Variants in BTRC observed in about 807,000 individuals in gnomAD.
BTRC encodes the protein F-box/WD repeat-containing protein 1A.
BTRC carries 42 observed loss-of-function variants against 85.5 expected under a neutral mutation model. The observed-to-expected ratio is 0.49, with a 90% confidence interval of 0.38 to 0.64. The LOEUF (loss-of-function observed/expected upper bound fraction) is 0.64, where lower values mean the gene tolerates loss of function less well. Among genes scored for constraint, BTRC ranks in the 30% least tolerant of loss-of-function variants. The pLI, the probability that BTRC is intolerant of heterozygous loss-of-function variation, is 0.00. For synonymous variants in BTRC, 255 were observed against 263.3 expected (o/e 0.97, Z 0.30); for missense variants, 594 against 743.5 (o/e 0.80, Z 2.34).
intron 2 of BTRC, among the ~76,000 whole-genome samples, chr10:101,461,635 A>G (rs907705383): frequency 6.6e-6 from 1 of 152,194 alleles, no homozygotes; most frequent in Non-Finnish European, 1.5e-5. Flanking sequence ...GGTAATAATC[A>G]TGGTTTTAGT....
intron 1 of BTRC, among the ~76,000 whole-genome samples, chr10:101,379,444 C>T (rs1942874046): frequency 6.6e-6 from 1 of 152,044 alleles, no homozygotes; most frequent in African/African-American, 2.4e-5. Flanking sequence ...TCATTTAGAC[C>T]TGTTCTTTTT....
intron 4 of BTRC, among the ~76,000 whole-genome samples, chr10:101,492,252 T>C (rs1262184738): frequency 2.0e-5 from 3 of 152,212 alleles, no homozygotes; most frequent in African/African-American, 7.2e-5. Context: ...GGTTTGTTTG[T>C]TTGTTTTCAA....
chr10:101,536,565 G>T lies in BTRC; in HGVS notation c.1489G>T (p.Ala497Ser), dbSNP rs371432679. Reference protein sequence around the residue: ...TIRLWDIECGACLRVLEGHEE... With the variant: ...TIRLWDIECGSCLRVLEGHEE... Reference sequence around the variant, plus strand: ...CAGATTATGGGACATAGAATGTGGTGCATGTTTACGAGTGTTAGAAGGCCA... The same window carrying T: ...CAGATTATGGGACATAGAATGTGGTTCATGTTTACGAGTGTTAGAAGGCCA... The change falls in exon 12 of 15, where the codon GCA (alanine) becomes TCA (serine). Residue 497 changes from alanine (A) to serine (S), a missense_variant. Coordinates refer to ENST00000370187, the MANE Select transcript of BTRC (RefSeq NM_033637.4). The T allele has an allele frequency of 1.2e-6, 2 of 1,613,362 alleles. No homozygotes were observed. The highest frequency in any genetic ancestry group is 1.7e-6 in the Non-Finnish European group (2 of 1,179,358).
rs557022225 is a variant in BTRC at position 101,407,144 on chromosome 10, G to A, written c.49-23201G>A. Reference sequence around the variant, plus strand: ...AGGCCGAGGTGGGAGGATCAGTTGAGGCCAGGAGTATGAGACCTGCCTGGG... The same window carrying A: ...AGGCCGAGGTGGGAGGATCAGTTGAAGCCAGGAGTATGAGACCTGCCTGGG... On this transcript the variant is annotated intron_variant, in intron 1 of 14. Transcript: ENST00000370187. Among the ~76,000 whole-genome samples, 3 of 152,104 alleles carry A rather than the reference G, an allele frequency of 2.0e-5. No individual in the cohort carries two copies. In the South Asian group the frequency reaches 6.2e-4, roughly 32 times the overall value.
At chr10:101,477,524 G>A (rs1412971607) in intron 3 of BTRC, among the ~76,000 whole-genome samples, 2 of 152,086 alleles carry the variant, frequency 1.3e-5, no homozygotes, top group African/African-American at 4.8e-5. Context: ...GTGCTGCCCA[G>A]GCTGATCTCA....
intron 1 of BTRC, among the ~76,000 whole-genome samples, chr10:101,388,411 C>T (rs1027720432): frequency 6.6e-6 from 1 of 151,652 alleles, no homozygotes; most frequent in African/African-American, 2.4e-5. Flanking sequence ...CAGCTGTTCT[C>T]GAACTCTTGG....
At chr10:101,362,086 G>A (rs1441622254) in intron 1 of BTRC, among the ~76,000 whole-genome samples, 1 of 151,946 alleles carries the variant, frequency 6.6e-6, no homozygotes, top group Non-Finnish European at 1.5e-5. Flanking sequence ...TCAGCCTCCC[G>A]AGTAGCTGGG....
chr10:101,473,563 C>T (rs1417962009), intron 3 of BTRC, among the ~76,000 whole-genome samples: 1 of 150,776 alleles, frequency 6.6e-6, no homozygotes, highest in Non-Finnish European at 1.5e-5. Flanking sequence ...CTCCGTCTCC[C>T]GGGTTCAAGC....
chr10:101,534,378 T>C (rs1589609558), intron 9 of BTRC, among the ~76,000 whole-genome samples: 1 of 152,198 alleles, frequency 6.6e-6, no homozygotes, highest in African/African-American at 2.4e-5. Flanking sequence ...AAATGTATCT[T>C]ACTAATGGTA....
At chr10:101,522,849 C>T (rs1278737454) in intron 5 of BTRC, among the ~76,000 whole-genome samples, 2 of 152,110 alleles carry the variant, frequency 1.3e-5, no homozygotes, top group African/African-American at 4.8e-5. Context: ...AATAACACGT[C>T]TTAGTTCATG....
chr10:101,371,842 T>C (rs1319161486), intron 1 of BTRC, among the ~76,000 whole-genome samples: 2 of 152,122 alleles, frequency 1.3e-5, no homozygotes, highest in East Asian at 1.9e-4. Context: ...TTTTTTTTTT[T>C]CTTTCTCCAT....
intron 3 of BTRC, among the ~76,000 whole-genome samples, chr10:101,463,339 C>T (rs9419909): frequency 0.37 from 56,144 of 151,624 alleles, 11,582 homozygotes; most frequent in Middle Eastern, 0.49. Flanking sequence ...CCACTGTTCC[C>T]GACCTAATTT....
chr10:101,493,297 G>A (rs756878195), intron 4 of BTRC, among the ~76,000 whole-genome samples: 1 of 152,148 alleles, frequency 6.6e-6, no homozygotes, highest in Non-Finnish European at 1.5e-5. Context: ...CAGCCTTTTT[G>A]CACCATTACA....
intron 2 of BTRC, among the ~76,000 whole-genome samples, chr10:101,446,324 G>A (rs1281632684): frequency 2.6e-5 from 4 of 152,024 alleles, no homozygotes; most frequent in African/African-American, 9.7e-5. Context: ...TTATTGTGAG[G>A]TTGTCTTTGG....
At chr10:101,360,459 C>T (rs1235780905) in intron 1 of BTRC, among the ~76,000 whole-genome samples, 1 of 151,292 alleles carries the variant, frequency 6.6e-6, no homozygotes, top group Non-Finnish European at 1.5e-5. Flanking sequence ...CTGCAACCTC[C>T]GCTTCCCAGG....
intron 1 of BTRC, among the ~76,000 whole-genome samples, chr10:101,404,821 A>T (rs531188727): frequency 6.6e-6 from 1 of 151,800 alleles, no homozygotes; most frequent in Non-Finnish European, 1.5e-5. Flanking sequence ...ATATGGTGAA[A>T]CTCCATCTCT....
intron 13 of BTRC, among the ~76,000 whole-genome samples, chr10:101,545,531 A>G (rs184819421): frequency 3.9e-5 from 6 of 152,350 alleles, no homozygotes; most frequent in Admixed American, 2.6e-4. Context: ...AAATGAAGTC[A>G]TTGGAGTAGG....
At chr10:101,538,497 A>T in intron 13 of BTRC, 126 bp downstream of exon 13, 2 of 793,326 alleles carry the variant, frequency 2.5e-6, no homozygotes, top group South Asian at 3.0e-5. Flanking sequence ...ACTAAGTGGT[A>T]AGGCAACCAG....
At chr10:101,471,450 C>T (rs1291364981) in intron 3 of BTRC, among the ~76,000 whole-genome samples, 2 of 152,048 alleles carry the variant, frequency 1.3e-5, no homozygotes, top group Non-Finnish European at 2.9e-5. Flanking sequence ...TAGGATTTTG[C>T]CCCCGTTATT....
Sources: allele counts gnomAD v4.1 joint callset (sites outside exome capture counted in the v4.1 genomes callset), GRCh38; gene constraint gnomAD v4.1.1; transcripts MANE v1.5; gene names NCBI Gene and HGNC (gene_info 2026-07-23, HGNC 2026-07-21).